Variants in RAPGEF5 observed in about 807,000 individuals in gnomAD.
The protein encoded by RAPGEF5 is Rap guanine nucleotide exchange factor 5, also known as M-Ras-regulated GEF.
A neutral mutation model predicts 125.2 loss-of-function variants in RAPGEF5; 65 were observed. The observed-to-expected ratio is 0.52, with a 90% CI of 0.43 to 0.64. RAPGEF5 has a LOEUF of 0.64. RAPGEF5 is among the 30% of genes least tolerant of loss of function. The probability of loss-of-function intolerance (pLI) is 0.00; values close to 1 mark genes in which losing one functional copy is unlikely to be tolerated. For missense variants in RAPGEF5, 958 were observed against 1,048.1 expected (o/e 0.91, Z 1.19); for synonymous variants, 391 against 385.9 (o/e 1.01, Z -0.16).
intron 3 of RAPGEF5, among the ~76,000 whole-genome samples, chr7:22,312,458 T>C (rs11977886): frequency 0.12 from 17,712 of 151,982 alleles, 1,467 homozygotes; most frequent in East Asian, 0.41. Flanking sequence ...ATCCACCAGC[T>C]TCGGCCTCCC....
At chr7:22,211,961 CTCTTTTTTTTT>C (rs1448645224) in intron 9 of RAPGEF5, among the ~76,000 whole-genome samples, 3 of 100,942 alleles carry the variant, frequency 3.0e-5, no homozygotes, top group African/African-American at 1.3e-4. Context: ...CACATGTGTT[CTCTTTTTTTTT>C]TTTTTTTTTT....
At chr7:22,153,074 C>G (rs755128563) in intron 17 of RAPGEF5, among the ~76,000 whole-genome samples, 1 of 152,104 alleles carries the variant, frequency 6.6e-6, no homozygotes, top group South Asian at 2.1e-4. Context: ...CAGCTTCTCA[C>G]GAGGCCCTGG....
rs149341684 is a variant in RAPGEF5 at position 22,144,428 on chromosome 7, T to C, written c.2186+616A>G. 2.1e-3 allele frequency among the ~76,000 whole-genome samples: 325 copies of C among 152,348 alleles called. 1 individual carries two copies. The highest frequency in any genetic ancestry group is 7.6e-3 in the African/African-American group (315 of 41,582). On this transcript the variant is annotated intron_variant, in intron 20 of 25. Transcript: ENST00000665637. The stretch of plus-strand genomic sequence containing the variant: ...GGGTAACTTCAGGAAGGAAGGAATA[T>C]TTGACTGAGGTCTTGAAGAATGGTA...
intron 8 of RAPGEF5, among the ~76,000 whole-genome samples, chr7:22,225,352 A>G (rs552614752): frequency 6.6e-6 from 1 of 152,306 alleles, no homozygotes; most frequent in South Asian, 2.1e-4. Context: ...AAGAGAAAAT[A>G]TTGCTGTTTT....
chr7:22,171,357 A>G (rs1158415414), intron 11 of RAPGEF5, among the ~76,000 whole-genome samples: 1 of 152,232 alleles, frequency 6.6e-6, no homozygotes, highest in East Asian at 1.9e-4. Context: ...TATACATAAA[A>G]GTATCTTTCA....
chr7:22,126,141 T>G (rs1198123645), intron 24 of RAPGEF5, among the ~76,000 whole-genome samples: 1 of 152,034 alleles, frequency 6.6e-6, no homozygotes, highest in Non-Finnish European at 1.5e-5. Context: ...AGAGTGAGAC[T>G]CCGTCTCAAA....
intron 5 of RAPGEF5, among the ~76,000 whole-genome samples, chr7:22,303,235 G>C (rs1177627540): frequency 1.3e-5 from 2 of 152,128 alleles, no homozygotes; most frequent in Non-Finnish European, 2.9e-5. Flanking sequence ...AGTACATTCT[G>C]GATAACTTGA....
At chr7:22,223,742 G>A (rs1785848611) in intron 8 of RAPGEF5, among the ~76,000 whole-genome samples, 1 of 152,078 alleles carries the variant, frequency 6.6e-6, no homozygotes. Flanking sequence ...CAGGTACGTT[G>A]GCATATTTGG....
At chr7:22,233,512 AAAT>A (rs1434968041) in intron 7 of RAPGEF5, among the ~76,000 whole-genome samples, 4 of 152,210 alleles carry the variant, frequency 2.6e-5, no homozygotes, top group Non-Finnish European at 4.4e-5. Context: ...GCAGGACACT[AAAT>A]AATAATTTCA....
chr7:22,305,022 G>A (rs1485685271), intron 5 of RAPGEF5, among the ~76,000 whole-genome samples: 2 of 152,082 alleles, frequency 1.3e-5, no homozygotes, highest in Non-Finnish European at 2.9e-5. Context: ...TTATAGGAAG[G>A]GGTCCTAGAA....
chr7:22,135,563 T>C (rs1385203188), intron 23 of RAPGEF5, among the ~76,000 whole-genome samples: 1 of 152,210 alleles, frequency 6.6e-6, no homozygotes, highest in Non-Finnish European at 1.5e-5. Flanking sequence ...AGTACACTTC[T>C]CCATCAACAC....
In RAPGEF5 at chr7:22,234,189, TG is replaced by T. The variant is rs556826545; in HGVS notation, c.797-3271del. On this transcript the variant is annotated intron_variant, in intron 7 of 25. Coordinates refer to ENST00000665637, the MANE Select transcript of RAPGEF5 (RefSeq NM_012294.5). The stretch of plus-strand genomic sequence containing the variant: ...TATGGTCCCCTAAAAGGGAGAACTC[TG>T]TTGACCCTTTAGTTCATAGATTAAT... 4.6e-5 allele frequency among the ~76,000 whole-genome samples: 7 copies of T among 152,340 alleles called. 1 individual carries two copies. In the South Asian group the frequency reaches 1.4e-3, roughly 32 times the overall value.
At chr7:22,134,101 T>A (rs1783005723) in intron 23 of RAPGEF5, among the ~76,000 whole-genome samples, 1 of 152,216 alleles carries the variant, frequency 6.6e-6, no homozygotes, top group Non-Finnish European at 1.5e-5. Context: ...CTAAAATAGT[T>A]CATTGAAACT....
intron 5 of RAPGEF5, among the ~76,000 whole-genome samples, chr7:22,295,379 A>G (rs959890142): frequency 2.6e-5 from 4 of 152,188 alleles, no homozygotes; most frequent in African/African-American, 7.2e-5. Context: ...ATAAAATTAG[A>G]TTTTTCACAT....
At chr7:22,269,868 T>C (rs1782376355) in intron 6 of RAPGEF5, among the ~76,000 whole-genome samples, 1 of 152,140 alleles carries the variant, frequency 6.6e-6, no homozygotes, top group Admixed American at 6.5e-5. Flanking sequence ...ACTACCTAGC[T>C]AAGGTGCTTC....
At chr7:22,136,461 T>G (rs1783081600) in intron 22 of RAPGEF5, among the ~76,000 whole-genome samples, 1 of 152,128 alleles carries the variant, frequency 6.6e-6, no homozygotes, top group Admixed American at 6.5e-5. Flanking sequence ...AAGTCTCTTG[T>G]TAGATACACC....
intron 9 of RAPGEF5, among the ~76,000 whole-genome samples, chr7:22,216,044 C>T (rs1785630124): frequency 6.6e-6 from 1 of 152,166 alleles, no homozygotes; most frequent in South Asian, 2.1e-4. Context: ...ATGCACATCC[C>T]CCATTGCTAG....
chr7:22,303,975 G>A (rs116538704), intron 5 of RAPGEF5, among the ~76,000 whole-genome samples: 2,513 of 152,258 alleles, frequency 0.017, 71 homozygotes, highest in African/African-American at 0.057. Context: ...GTGGGCCAGG[G>A]GTGAAAAGAA....
chr7:22,193,077 T>C (rs575309515), intron 11 of RAPGEF5: 13 of 496,996 alleles, frequency 2.6e-5, no homozygotes, highest in East Asian at 1.3e-4. Flanking sequence ...TGTTGGTCTC[T>C]TGCCAACTGC....
Sources: gnomAD v4.1 joint callset for allele counts (sites outside exome capture counted in the v4.1 genomes callset) on GRCh38, gnomAD v4.1.1 for gene constraint, MANE v1.5 for transcripts, NCBI Gene and HGNC (gene_info 2026-07-23, HGNC 2026-07-21) for gene names.